The following COL4A2 variants were observed in gnomAD, a reference collection of about 807,000 sequenced individuals.
COL4A2 encodes the protein collagen type IV alpha 2 chain, also known as collagen alpha-2(IV) chain.
A neutral mutation model predicts 200.2 loss-of-function variants in COL4A2; 99 were observed. The ratio of observed to expected loss-of-function variants is 0.49; its 90% CI spans 0.42 to 0.58. The LOEUF is 0.58. Ranked by LOEUF, COL4A2 falls within the 20% of genes least tolerant of loss-of-function variation. The pLI is 0.00. For missense variants in COL4A2, 1,950 were observed against 2,314.1 expected (o/e 0.84, Z 3.23); for synonymous variants, 897 against 900.6 (o/e 1.00, Z 0.07).
chr13:110,478,975 A>G (rs1489917229), intron 30 of COL4A2, among the ~76,000 whole-genome samples: 1 of 152,116 alleles, frequency 6.6e-6, no homozygotes, highest in Non-Finnish European at 1.5e-5. Flanking sequence ...GGGAACTGCC[A>G]CTCCACTTGA....
intron 18 of COL4A2, 21 bp downstream of exon 18, chr13:110,446,885 G>T: frequency 6.3e-7 from 1 of 1,589,246 alleles, no homozygotes. Flanking sequence ...AATTTCACCT[G>T]CATAGTTCAG....
intron 3 of COL4A2, among the ~76,000 whole-genome samples, chr13:110,326,374 T>C (rs2139356888): frequency 6.6e-6 from 1 of 152,304 alleles, no homozygotes; most frequent in South Asian, 2.1e-4. Context: ...CACTTTCCTC[T>C]CTATCCTCGT....
At chr13:110,442,726 T>A (rs1370984911) in intron 16 of COL4A2, among the ~76,000 whole-genome samples, 1 of 146,134 alleles carries the variant, frequency 6.8e-6, no homozygotes, top group East Asian at 2.0e-4. Context: ...TTCAATTTTC[T>A]GATAAATTAG....
chr13:110,446,991 TA>T (rs35275552), intron 18 of COL4A2, 127 bp downstream of exon 18: 6 of 485,716 alleles, frequency 1.2e-5, no homozygotes, highest in East Asian at 1.2e-4. Flanking sequence ...ATAATAATAA[TA>T]AAAAAAATAA....
At position 110,485,642 on chromosome 13, in the gene COL4A2, G is replaced by A. The variant is rs1263033853; in HGVS notation, c.3026-13G>A. On this transcript the variant is annotated splice_polypyrimidine_tract_variant and intron_variant, in intron 33 of 47. Transcript: ENST00000360467. ...TCCTCACCAGAGTGTTACACACCAGGGTCTTCCTGCAGGTATCCAAGGAAT... is the reference window on the plus strand; with the variant it reads ...TCCTCACCAGAGTGTTACACACCAGAGTCTTCCTGCAGGTATCCAAGGAAT... 19 of 1,588,814 alleles carry A rather than the reference G, an allele frequency of 1.2e-5. No individual in the cohort carries two copies. Among genetic ancestry groups the A allele is most frequent in the Non-Finnish European group, 1.5e-5 (18 of 1,169,810 alleles).
At chr13:110,501,551 T>A in intron 40 of COL4A2, 117 bp from the exon 41 acceptor site, 39 of 805,070 alleles carry the variant, frequency 4.8e-5, no homozygotes, top group Middle Eastern at 3.6e-4. Flanking sequence ...GCACCTCCCA[T>A]CACTGTCTCG....
At chr13:110,389,323 G>T (rs1478008590) in intron 4 of COL4A2, among the ~76,000 whole-genome samples, 2 of 152,168 alleles carry the variant, frequency 1.3e-5, no homozygotes, top group African/African-American at 4.8e-5. Flanking sequence ...CTATAAAGTA[G>T]TGCATCATGT....
At chr13:110,480,864 G>C (rs931453256) in intron 31 of COL4A2, among the ~76,000 whole-genome samples, 16 of 152,214 alleles carry the variant, frequency 1.1e-4, no homozygotes, top group Non-Finnish European at 1.5e-4. Context: ...GAGACACACT[G>C]TTCTTCCATT....
intron 4 of COL4A2, among the ~76,000 whole-genome samples, chr13:110,378,465 G>A (rs1438692888): frequency 2.0e-5 from 3 of 152,262 alleles, no homozygotes; most frequent in South Asian, 2.1e-4. Flanking sequence ...TCATGAGACA[G>A]AACCAGGCCC....
intron 3 of COL4A2, among the ~76,000 whole-genome samples, chr13:110,349,021 AT>A (rs1007715392): frequency 2.0e-5 from 3 of 152,004 alleles, no homozygotes; most frequent in Non-Finnish European, 4.4e-5. Context: ...AATGACCAGC[AT>A]TTTTTTTCAT....
At chr13:110,319,234 C>G (rs1345920048) in intron 3 of COL4A2, among the ~76,000 whole-genome samples, 1 of 152,066 alleles carries the variant, frequency 6.6e-6, no homozygotes, top group Non-Finnish European at 1.5e-5. Context: ...TTCCTGATGC[C>G]TTGAGACGGT....
At chr13:110,339,410 G>C (rs906620652) in intron 3 of COL4A2, among the ~76,000 whole-genome samples, 2 of 152,136 alleles carry the variant, frequency 1.3e-5, no homozygotes, top group Non-Finnish European at 2.9e-5. Flanking sequence ...CCCAGTTTTC[G>C]TGGGAAGAAT....
chr13:110,372,666 A>C (rs1878065069), intron 4 of COL4A2, among the ~76,000 whole-genome samples: 1 of 152,254 alleles, frequency 6.6e-6, no homozygotes. Context: ...TGCCAACTTA[A>C]ACTGTAGATA....
At chr13:110,401,313 A>G (rs2139430879) in intron 4 of COL4A2, among the ~76,000 whole-genome samples, 1 of 152,334 alleles carries the variant, frequency 6.6e-6, no homozygotes, top group South Asian at 2.1e-4. Context: ...AACTCATTTT[A>G]GTACCATCTG....
intron 4 of COL4A2, among the ~76,000 whole-genome samples, chr13:110,390,273 C>T (rs368055949): frequency 1.3e-5 from 2 of 152,360 alleles, no homozygotes. Flanking sequence ...TGTCCCATCA[C>T]AGGAGGACCA....
rs772251017 is a variant in COL4A2, at chr13:110,506,511, A to G, written c.4499A>G (p.Gln1500Arg). ...YLLVKHSQTD[Q>R]EPMCPVGMNK... is the part of the protein sequence containing the mutation. The stretch of plus-strand genomic sequence containing the variant: ...CTGGTGAAGCACAGCCAGACGGACC[A>G]GGAGCCCATGTGCCCAGTGGGCATG... Residue 1500 changes from glutamine (Q) to arginine (R), a missense_variant, in exon 46 of 48, where the codon CAG (glutamine) becomes CGG (arginine). Gln to Arg is a conservative substitution (Grantham distance 43). Coordinates refer to ENST00000360467, the MANE Select transcript of COL4A2 (RefSeq NM_001846.4). 2 of 1,613,124 alleles carry G rather than the reference A, an allele frequency of 1.2e-6. No individual in the cohort carries two copies. Among genetic ancestry groups the G allele is most frequent in the African/African-American group, 1.3e-5 (1 of 75,048 alleles).
At chr13:110,476,252 C>A (rs1334439653) in intron 29 of COL4A2, among the ~76,000 whole-genome samples, 1 of 152,234 alleles carries the variant, frequency 6.6e-6, no homozygotes, top group Non-Finnish European at 1.5e-5. Context: ...TGCAGTGCTG[C>A]CTGCCAACTC....
chr13:110,312,462 G>T (rs764438996), intron 3 of COL4A2, among the ~76,000 whole-genome samples: 8 of 152,194 alleles, frequency 5.3e-5, no homozygotes, highest in Non-Finnish European at 1.0e-4. Context: ...GAGAGGGAAA[G>T]AAAATGGATG....
At chr13:110,445,743 TTTGTGAGA>T in intron 16 of COL4A2, 78 bp from the exon 17 acceptor site, 1 of 1,508,236 alleles carries the variant, frequency 6.6e-7, no homozygotes, top group Non-Finnish European at 9.2e-7. Context: ...TGTTGTTCAT[TTTGTGAGA>T]TATAATAATG....
Sources: allele counts gnomAD v4.1 joint callset (sites outside exome capture counted in the v4.1 genomes callset), GRCh38; gene constraint gnomAD v4.1.1; transcripts MANE v1.5; gene names NCBI Gene and HGNC (gene_info 2026-07-23, HGNC 2026-07-21).